Variants in PTPRD observed in about 807,000 individuals in gnomAD.
PTPRD encodes the protein protein tyrosine phosphatase receptor type D.
In PTPRD, 34 loss-of-function variants were observed where a neutral mutation model predicts 214.5. That is an observed-to-expected ratio of 0.16 (90% confidence interval 0.12 to 0.21). The LOEUF is 0.21. Among genes scored for constraint, PTPRD ranks in the 10% least tolerant of loss-of-function variants. PTPRD has a pLI of 1.00. For missense variants in PTPRD, 2,545 were observed against 2,398.7 expected, an observed-to-expected ratio of 1.06 and a Z score of -1.27; for synonymous variants, 1,128 against 845.7, an observed-to-expected ratio of 1.33 and a Z score of -5.79.
chr9:9,693,837 C>G (rs1010436689), intron 7 of PTPRD, among the ~76,000 whole-genome samples: 1 of 152,154 alleles, frequency 6.6e-6, no homozygotes, highest in Non-Finnish European at 1.5e-5. Context: ...TGCCTTCAGG[C>G]TCACTCCTTT....
intron 2 of PTPRD, among the ~76,000 whole-genome samples, chr9:10,345,837 C>T (rs1325184206): frequency 6.6e-6 from 1 of 152,164 alleles, no homozygotes; most frequent in Admixed American, 6.5e-5. Flanking sequence ...GAACAATCGC[C>T]ACATGTCTTC....
intron 15 of PTPRD, chr9:8,528,058 AAGC>A (rs1173707376): frequency 5.4e-6 from 1 of 186,094 alleles, no homozygotes; most frequent in Non-Finnish European, 1.1e-5. Flanking sequence ...AGTGAAAAGA[AAGC>A]AGATGTGCCC....
chr9:9,082,142 G>A (rs1416242718), intron 10 of PTPRD, among the ~76,000 whole-genome samples: 5 of 151,904 alleles, frequency 3.3e-5, no homozygotes, highest in African/African-American at 1.2e-4. Flanking sequence ...ACCAAAACCT[G>A]GCAGAGACAC....
At chr9:10,562,988 G>C (rs1240847007) in intron 2 of PTPRD, among the ~76,000 whole-genome samples, 1 of 152,124 alleles carries the variant, frequency 6.6e-6, no homozygotes, top group Non-Finnish European at 1.5e-5. Flanking sequence ...AAAAATTATA[G>C]AAATGATGAG....
intron 11 of PTPRD, among the ~76,000 whole-genome samples, chr9:8,881,577 G>T (rs889522978): frequency 6.6e-6 from 1 of 152,144 alleles, no homozygotes; most frequent in South Asian, 2.1e-4. Flanking sequence ...TAAAAGACAG[G>T]CATACAGACA....
chr9:9,949,515 C>A (rs538965723), intron 4 of PTPRD, among the ~76,000 whole-genome samples: 1 of 152,142 alleles, frequency 6.6e-6, no homozygotes, highest in East Asian at 1.9e-4. Flanking sequence ...CAACAGCCCT[C>A]GTAGGGAGTT....
intron 14 of PTPRD, among the ~76,000 whole-genome samples, chr9:8,623,595 G>C (rs2095889726): frequency 6.6e-6 from 1 of 151,864 alleles, no homozygotes; most frequent in Admixed American, 6.6e-5. Context: ...TAATACTAGT[G>C]ATGATAATGA....
intron 2 of PTPRD, among the ~76,000 whole-genome samples, chr9:10,451,499 A>G (rs991428899): frequency 6.6e-6 from 1 of 151,486 alleles, no homozygotes; most frequent in African/African-American, 2.4e-5. Context: ...GGTCCTTTCT[A>G]CTTCCCGCTT....
In PTPRD at chr9:8,804,956, T is replaced by G. The variant is rs1042815362; in HGVS notation, c.-103-71010A>C. ...GAGAATCCTGGTGAATATACTCAAT[T>G]AGAAAGCTTTTTCTATTTCTGCTGT... On this transcript the variant is annotated intron_variant, in intron 11 of 45. Coordinates refer to ENST00000381196, the MANE Select transcript of PTPRD (RefSeq NM_002839.4). Among the ~76,000 whole-genome samples, 14 of 152,216 alleles carry G rather than the reference T, an allele frequency of 9.2e-5. 1 individual carries two copies. In the South Asian group the frequency reaches 2.7e-3, roughly 29 times the overall value.
chr9:8,750,075 C>T (rs2093360414), intron 11 of PTPRD, among the ~76,000 whole-genome samples: 2 of 151,318 alleles, frequency 1.3e-5, no homozygotes, highest in African/African-American at 4.9e-5. Context: ...GCACTCCAGC[C>T]TGGGCAACAG....
At chr9:8,811,855 C>T (rs952173563) in intron 11 of PTPRD, among the ~76,000 whole-genome samples, 1 of 152,158 alleles carries the variant, frequency 6.6e-6, no homozygotes, top group Non-Finnish European at 1.5e-5. Flanking sequence ...CTTGATATTT[C>T]CACCTTTCGC....
chr9:9,115,632 C>A (rs2099811706), intron 10 of PTPRD, among the ~76,000 whole-genome samples: 1 of 152,116 alleles, frequency 6.6e-6, no homozygotes. Flanking sequence ...TGGTATGTAT[C>A]TACCCAAAAG....
chr9:9,126,602 A>T (rs1018882988), intron 10 of PTPRD, among the ~76,000 whole-genome samples: 5 of 152,222 alleles, frequency 3.3e-5, no homozygotes, highest in African/African-American at 1.2e-4. Context: ...TTATATATAC[A>T]TTTAAGAAAG....
intron 7 of PTPRD, among the ~76,000 whole-genome samples, chr9:9,678,847 T>A (rs1180863922): frequency 2.6e-5 from 4 of 151,758 alleles, no homozygotes; most frequent in Non-Finnish European, 5.9e-5. Flanking sequence ...TGATCAAGGG[T>A]AGTCAGAGAA....
At chr9:10,143,532 C>T (rs924809569) in intron 3 of PTPRD, among the ~76,000 whole-genome samples, 1 of 151,784 alleles carries the variant, frequency 6.6e-6, no homozygotes, top group South Asian at 2.1e-4. Flanking sequence ...GTTGAACTGC[C>T]ATTCAACCCA....
chr9:9,477,501 T>G (rs1267892809), intron 8 of PTPRD, among the ~76,000 whole-genome samples: 2 of 152,222 alleles, frequency 1.3e-5, no homozygotes, highest in African/African-American at 4.8e-5. Context: ...AAATGCTTTT[T>G]AAAGTTCTGA....
intron 14 of PTPRD, among the ~76,000 whole-genome samples, chr9:8,566,323 C>G (rs1418884305): frequency 2.0e-5 from 3 of 152,114 alleles, no homozygotes; most frequent in African/African-American, 7.2e-5. Flanking sequence ...GTACGAATAG[C>G]TGAGCCTCTC....
intron 7 of PTPRD, among the ~76,000 whole-genome samples, chr9:9,579,168 G>C (rs2089976138): frequency 6.6e-6 from 1 of 152,064 alleles, no homozygotes; most frequent in Admixed American, 6.6e-5. Flanking sequence ...TAGGAGTCAA[G>C]TAATTATATA....
At chr9:10,333,212 C>A (rs967157568) in intron 3 of PTPRD, among the ~76,000 whole-genome samples, 4 of 151,724 alleles carry the variant, frequency 2.6e-5, no homozygotes, top group African/African-American at 9.7e-5. Context: ...TGCAGTTTGC[C>A]TAAGGCGTCA....
Sources: allele counts gnomAD v4.1 joint callset (sites outside exome capture counted in the v4.1 genomes callset), GRCh38; gene constraint gnomAD v4.1.1; transcripts MANE v1.5; gene names NCBI Gene and HGNC (gene_info 2026-07-23, HGNC 2026-07-21).